Variants in TMEM71 observed in about 807,000 individuals in gnomAD.
TMEM71 encodes transmembrane protein 71.
Under a neutral mutation model 38.0 loss-of-function variants are expected in TMEM71, and 44 were observed. The observed-to-expected ratio is 1.16, with a 90% CI of 0.91 to 1.49. TMEM71 has a LOEUF of 1.49. Ranked by LOEUF, TMEM71 falls within the 40% of genes most tolerant of loss-of-function variation. The probability of loss-of-function intolerance (pLI) is 0.00; values close to 1 mark genes in which losing one functional copy is unlikely to be tolerated. For synonymous variants in TMEM71, 133 were observed against 122.5 expected (o/e 1.09, Z -0.56); for missense variants, 367 against 348.6 (o/e 1.05, Z -0.42).
At chr8:132,719,692 T>A (rs1563743557) in intron 7 of TMEM71, among the ~76,000 whole-genome samples, 1 of 152,200 alleles carries the variant, frequency 6.6e-6, no homozygotes, top group Non-Finnish European at 1.5e-5. Context: ...CAAATAAACA[T>A]TATTAGAATA....
upstream of TMEM71, among the ~76,000 whole-genome samples, chr8:132,764,025 A>T (rs1259243821): frequency 1.3e-5 from 2 of 152,140 alleles, no homozygotes; most frequent in African/African-American, 4.8e-5. Context: ...GCTCTGGAAC[A>T]CTGTGTCCCA....
At chr8:132,714,309 G>T in intron 7 of TMEM71, 94 bp from the exon 8 acceptor site, 1 of 945,276 alleles carries the variant, frequency 1.1e-6, no homozygotes, top group Non-Finnish European at 1.7e-6. Flanking sequence ...ATGATTTCAA[G>T]GTTTACTATG....
downstream of TMEM71, among the ~76,000 whole-genome samples, chr8:132,706,483 A>G: frequency 6.6e-6 from 1 of 152,196 alleles, no homozygotes; most frequent in Non-Finnish European, 1.5e-5. Flanking sequence ...TATATCTCCC[A>G]TACTTTAATT....
chr8:132,727,621 G>T (rs1027491649), intron 6 of TMEM71, among the ~76,000 whole-genome samples, 177 bp downstream of exon 6: 1 of 152,094 alleles, frequency 6.6e-6, no homozygotes, highest in Non-Finnish European at 1.5e-5. Context: ...GACACCCAAA[G>T]GCAGTCATCT....
intron 8 of TMEM71, 23 bp downstream of exon 8, chr8:132,714,131 T>A: frequency 6.2e-7 from 1 of 1,611,498 alleles, no homozygotes; most frequent in Middle Eastern, 1.7e-4. Context: ...ATCATTGCAG[T>A]AATCTGGGAA....
chr8:132,739,183 C>T (rs1486212188), intron 5 of TMEM71, among the ~76,000 whole-genome samples: 2 of 152,194 alleles, frequency 1.3e-5, no homozygotes, highest in African/African-American at 4.8e-5. Context: ...CTTGCTCTTT[C>T]GGCCTGCACT....
chr8:132,707,464 G>A (rs182377666), downstream of TMEM71, among the ~76,000 whole-genome samples: 4 of 152,220 alleles, frequency 2.6e-5, no homozygotes, highest in South Asian at 2.1e-4. Flanking sequence ...CCTTAAAGAG[G>A]GGATTAGGTC....
chr8:132,751,453 C>T (rs1329158759), intron 4 of TMEM71, among the ~76,000 whole-genome samples: 2 of 152,264 alleles, frequency 1.3e-5, no homozygotes, highest in African/African-American at 2.4e-5. Flanking sequence ...CTTCACTGCA[C>T]CCTGACGGGT....
chr8:132,746,480 TATATATAC>T (rs1176631307), intron 5 of TMEM71, among the ~76,000 whole-genome samples: 4 of 14,818 alleles, frequency 2.7e-4, no homozygotes, highest in Non-Finnish European at 3.8e-4. Flanking sequence ...TATATACATA[TATATATAC>T]ATATATATAC....
At chr8:132,765,510 T>C (rs748029906), upstream of TMEM71, among the ~76,000 whole-genome samples, 2 of 152,116 alleles carry the variant, frequency 1.3e-5, no homozygotes, top group Non-Finnish European at 2.9e-5. Context: ...CTTTTGGTGA[T>C]AGACAGATGC....
At position 132,711,978 on chromosome 8, in the gene TMEM71, C is replaced by T. The variant is rs181985947; in HGVS notation, c.873-996G>A. Among the ~76,000 whole-genome samples, 25 of 151,864 alleles carry T rather than the reference C, an allele frequency of 1.6e-4. No individual in the cohort carries two copies. In the South Asian group the frequency reaches 3.8e-3, roughly 23 times the overall value. On this transcript the variant is annotated intron_variant, in intron 9 of 9. Coordinates refer to ENST00000677595, the MANE Select transcript of TMEM71 (RefSeq NM_001382403.1). ...CCATATCTTTGGTTTATTAGTTTCT[C>T]GGTATGTTTATATAAGAAGGAGAGG...
chr8:132,749,950 G>T (rs986079909), intron 4 of TMEM71, among the ~76,000 whole-genome samples: 1 of 149,986 alleles, frequency 6.7e-6, no homozygotes, highest in Admixed American at 6.7e-5. Context: ...GGAGTCGGAG[G>T]TTGCAGTGAG....
chr8:132,728,624 T>G (rs989587280), intron 5 of TMEM71, among the ~76,000 whole-genome samples: 2 of 152,240 alleles, frequency 1.3e-5, no homozygotes, highest in African/African-American at 4.8e-5. Context: ...CAGAGGCATC[T>G]TCAATGACAC....
chr8:132,712,825 C>T (rs998836024), intron 9 of TMEM71, among the ~76,000 whole-genome samples: 14 of 151,942 alleles, frequency 9.2e-5, no homozygotes, highest in Admixed American at 9.2e-4. Flanking sequence ...TCATTAACTC[C>T]TTTTTCTTTT....
intron 7 of TMEM71, among the ~76,000 whole-genome samples, chr8:132,717,243 C>A (rs12548092): frequency 6.6e-6 from 1 of 152,056 alleles, no homozygotes; most frequent in Admixed American, 6.6e-5. Context: ...AGAAGTTGGG[C>A]TACATCAAAA....
chr8:132,731,767 T>A (rs1827469039), intron 5 of TMEM71, among the ~76,000 whole-genome samples: 1 of 152,220 alleles, frequency 6.6e-6, no homozygotes, highest in Non-Finnish European at 1.5e-5. Context: ...ATTTTTACCA[T>A]GTAGTAGGAA....
chr8:132,734,376 A>T (rs1827631534), intron 5 of TMEM71, among the ~76,000 whole-genome samples: 1 of 152,190 alleles, frequency 6.6e-6, no homozygotes, highest in South Asian at 2.1e-4. Context: ...AGGCTAGCTG[A>T]TCAAATCAAT....
At chr8:132,729,587 T>C (rs888045037) in intron 5 of TMEM71, among the ~76,000 whole-genome samples, 3 of 152,186 alleles carry the variant, frequency 2.0e-5, no homozygotes, top group East Asian at 3.8e-4. Context: ...CTTTTCTTTA[T>C]AGCTGAGCTC....
Position 132,734,353 on chromosome 8 carries a change from T to TA in TMEM71, c.488-6368dup, listed in dbSNP as rs201260473. On this transcript the variant is annotated intron_variant, in intron 5 of 9. Coordinates refer to ENST00000677595, the MANE Select transcript of TMEM71 (RefSeq NM_001382403.1). ...AGCAATTACACCTCAATAAAGCTGT[T>TA]AAAAAAAAGAGGAGGCTAGCTGATC... 3.4e-3 allele frequency among the ~76,000 whole-genome samples: 514 copies of TA among 151,932 alleles called. 4 individuals are homozygous for TA. The highest frequency in any genetic ancestry group is 0.017 in the Middle Eastern group (5 of 294).
Sources: allele counts gnomAD v4.1 joint callset (sites outside exome capture counted in the v4.1 genomes callset), GRCh38; gene constraint gnomAD v4.1.1; transcripts MANE v1.5; gene names NCBI Gene and HGNC (gene_info 2026-07-23, HGNC 2026-07-21).